CACNA1A: variants seen among roughly 807,000 people sequenced by gnomAD.
CACNA1A encodes the protein voltage-dependent P/Q-type calcium channel subunit alpha-1A.
A neutral mutation model predicts 262.4 loss-of-function variants in CACNA1A; 57 were observed. That is an observed-to-expected ratio of 0.22 (90% confidence interval 0.18 to 0.27). The LOEUF is 0.27. Ranked by LOEUF, CACNA1A falls within the 10% of genes least tolerant of loss-of-function variation. CACNA1A has a pLI of 1.00. For missense variants in CACNA1A, 2,526 were observed against 3,562.8 expected (o/e 0.71, Z 7.41); for synonymous variants, 1,431 against 1,419.3 (o/e 1.01, Z -0.18).
chr19:13,234,178 A>T (rs1029320313), intron 34 of CACNA1A, among the ~76,000 whole-genome samples: 1 of 150,920 alleles, frequency 6.6e-6, no homozygotes, highest in South Asian at 2.1e-4. Context: ...TGAAACCCCG[A>T]CTCTACTAAA....
intron 19 of CACNA1A, among the ~76,000 whole-genome samples, chr19:13,292,630 A>G (rs955662855): frequency 4.6e-5 from 7 of 152,118 alleles, no homozygotes; most frequent in African/African-American, 1.7e-4. Flanking sequence ...AAAAAAAATT[A>G]TCAATATGCT....
At chr19:13,403,792 C>A (rs10403427) in intron 3 of CACNA1A, among the ~76,000 whole-genome samples, 1,618 of 150,730 alleles carry the variant, frequency 0.011, 28 homozygotes, top group African/African-American at 0.033. Flanking sequence ...AACAAACAAA[C>A]AAAAAAAAAC....
At chr19:13,365,572 T>G (rs1289234152) in intron 4 of CACNA1A, 103 bp from the exon 5 acceptor site, 1 of 1,013,030 alleles carries the variant, frequency 9.9e-7, no homozygotes, top group Non-Finnish European at 1.4e-6. Context: ...GGTGTGTTCC[T>G]GAGGGAACAT....
chr19:13,234,091 T>C (rs1364488698), intron 34 of CACNA1A, among the ~76,000 whole-genome samples: 1 of 141,612 alleles, frequency 7.1e-6, no homozygotes, highest in African/African-American at 2.6e-5. Flanking sequence ...GGCTCACGCC[T>C]GTAATCCCAG....
chr19:13,306,188 C>A (rs1249927947), intron 15 of CACNA1A, among the ~76,000 whole-genome samples: 2 of 152,086 alleles, frequency 1.3e-5, no homozygotes, highest in Non-Finnish European at 2.9e-5. Context: ...AGTGAAGTCA[C>A]ATTTTCTATA....
intron 1 of CACNA1A, among the ~76,000 whole-genome samples, chr19:13,456,786 T>A (rs56723538): frequency 0.013 from 1,967 of 152,306 alleles, 40 homozygotes; most frequent in African/African-American, 0.044. Flanking sequence ...GACAGTCAAA[T>A]GGCCAATATG....
At chr19:13,426,322 C>T (rs2060402006) in intron 3 of CACNA1A, among the ~76,000 whole-genome samples, 1 of 151,986 alleles carries the variant, frequency 6.6e-6, no homozygotes, top group African/African-American at 2.4e-5. Context: ...TTGAAAATAC[C>T]TATAGAACAA....
intron 17 of CACNA1A, among the ~76,000 whole-genome samples, chr19:13,302,509 C>T (rs999768832): frequency 5.9e-5 from 9 of 152,172 alleles, no homozygotes; most frequent in East Asian, 1.9e-4. Context: ...ATTAAAAACA[C>T]GTATTAAATG....
rs1362159934 is a variant in CACNA1A at position 13,404,974 on chromosome 19, G to GTAGCCT, written c.540-33196_540-33195insAGGCTA. 2.0e-5 allele frequency among the ~76,000 whole-genome samples: 3 copies of GTAGCCT among 151,618 alleles called. No homozygotes were observed. In the East Asian group the frequency reaches 5.8e-4, roughly 29 times the overall value. On this transcript the variant is annotated intron_variant, in intron 3 of 46. Coordinates refer to ENST00000360228, the MANE Select transcript of CACNA1A (RefSeq NM_001127222.2). The stretch of plus-strand genomic sequence containing the variant: ...TGCAGTGGTGTGATCTCGGCTCACT[G>GTAGCCT]CAACTTCCACCTCCCGGGTTCAAGC...
chr19:13,302,099 C>A (rs1270484444), intron 17 of CACNA1A, among the ~76,000 whole-genome samples: 1 of 152,216 alleles, frequency 6.6e-6, no homozygotes, highest in Non-Finnish European at 1.5e-5. Context: ...AGAGCACAAG[C>A]TGCAGACCCA....
At position 13,317,335 on chromosome 19, in the gene CACNA1A, G is replaced by A; in HGVS notation, c.1346-14C>T. ...CGAAGGGAGAACCTGCCAGGGAAAA[G>A]ATGGAGAATGTCAGGCTCAGGCTGT... is the stretch of plus-strand genomic sequence containing the variant. On this transcript the variant is annotated splice_polypyrimidine_tract_variant and intron_variant, in intron 10 of 46. Transcript: ENST00000360228. The A allele has an allele frequency of 6.3e-7, 1 of 1,589,650 alleles. No individual in the cohort carries two copies. Among genetic ancestry groups the A allele is most frequent in the Non-Finnish European group, 8.6e-7 (1 of 1,160,150 alleles).
intron 37 of CACNA1A, 25 bp from the exon 38 acceptor site, chr19:13,224,797 A>G: frequency 1.9e-6 from 3 of 1,552,752 alleles, no homozygotes; most frequent in Non-Finnish European, 2.6e-6. Context: ...AGGCAAGCGC[A>G]GTCATTCCCA....
chr19:13,462,957 C>T (rs2061151248), intron 1 of CACNA1A, among the ~76,000 whole-genome samples: 1 of 151,968 alleles, frequency 6.6e-6, no homozygotes, highest in African/African-American at 2.4e-5. Context: ...ATGAGGGTCT[C>T]ACCATGTTGC....
chr19:13,208,741 T>C lies in CACNA1A; in HGVS notation c.6780+15A>G. On this transcript the variant is annotated intron_variant, in intron 46 of 46. Transcript: ENST00000360228. ...CGGCCGAGCCCAGCCTGGGGTCACT[T>C]GCAGCCGCACCCACCTGCCGGTGCG... 1 of 1,565,484 alleles carries C rather than the reference T, an allele frequency of 6.4e-7. No homozygotes were observed. Among genetic ancestry groups the C allele is most frequent in the South Asian group, 1.1e-5 (1 of 87,606 alleles).
At chr19:13,450,935 G>A (rs962239657) in intron 3 of CACNA1A, 4 of 152,162 alleles carry the variant, frequency 2.6e-5, no homozygotes, top group African/African-American at 9.7e-5. Context: ...AATGTGCTGG[G>A]ATACAGGCAT....
intron 11 of CACNA1A, among the ~76,000 whole-genome samples, chr19:13,314,063 A>G (rs1301782736): frequency 2.0e-5 from 3 of 152,172 alleles, no homozygotes; most frequent in Non-Finnish European, 2.9e-5. Context: ...TGCCTCAGGG[A>G]GGGGTAAAAC....
In CACNA1A at chr19:13,429,531, C is replaced by CAA. The variant is rs35308275; in HGVS notation, c.539+23343_539+23344dup. On this transcript the variant is annotated intron_variant, in intron 3 of 46. Transcript: ENST00000360228. Reference sequence around the variant, plus strand: ...CTCCTATTTTTAGTTTCAAAGCGTCCAAAAAAAAAAAAAAAAAAAAGCTTC... The same window carrying CAA: ...CTCCTATTTTTAGTTTCAAAGCGTCCAAAAAAAAAAAAAAAAAAAAAAGCTTC... 4.8e-3 allele frequency among the ~76,000 whole-genome samples: 275 copies of CAA among 57,086 alleles called. 7 individuals are homozygous for CAA. The highest frequency in any genetic ancestry group is 0.01 in the African/African-American group (190 of 18,162). The allele number at this position is 57,086 out of a possible 152,430, so 37.5% of individuals were successfully genotyped here. A position where few individuals can be genotyped will look rare whatever the true frequency, so the allele number is the denominator to read the frequency against.
At chr19:13,210,790 C>A in intron 43 of CACNA1A, 138 bp from the exon 44 acceptor site, 1 of 900,440 alleles carries the variant, frequency 1.1e-6, no homozygotes, top group Non-Finnish European at 1.8e-6. Flanking sequence ...CAAGAGAAAT[C>A]GGAGGGAGAA....
Position 13,334,525 on chromosome 19 carries a change from T to C in CACNA1A, c.1083-32A>G, listed in dbSNP as rs1165646853. Reference sequence around the variant, plus strand: ...AAGCATAGAAAAGCCAGAGTATGGCTGTTTTGAAAATGTTAGGAAACGTTT... The same window carrying C: ...AAGCATAGAAAAGCCAGAGTATGGCCGTTTTGAAAATGTTAGGAAACGTTT... On this transcript the variant is annotated intron_variant, in intron 7 of 46. Transcript: ENST00000360228. 7 of 1,183,528 alleles carry C rather than the reference T, an allele frequency of 5.9e-6. No homozygotes were observed. In the Admixed American group the frequency reaches 1.2e-4, roughly 20 times the overall value. 73.3% of individuals were successfully genotyped at this position (1,183,528 alleles called of 1,614,324 possible).
Sources: allele counts gnomAD v4.1 joint callset (sites outside exome capture counted in the v4.1 genomes callset), GRCh38; gene constraint gnomAD v4.1.1; transcripts MANE v1.5; gene names NCBI Gene and HGNC (gene_info 2026-07-23, HGNC 2026-07-21).